The following ANKRD34C variants were observed in gnomAD, a reference collection of about 807,000 sequenced individuals.
ANKRD34C encodes ankyrin repeat domain-containing protein 34C.
For missense variants in ANKRD34C, 563 were observed against 653.0 expected, an observed-to-expected ratio of 0.86 and a Z score of 1.50; for synonymous variants, 260 against 253.6, an observed-to-expected ratio of 1.03 and a Z score of -0.24.
intron 1 of ANKRD34C, among the ~76,000 whole-genome samples, chr15:79,287,151 G>T (rs1033275571): frequency 1.3e-5 from 2 of 152,082 alleles, no homozygotes; most frequent in Admixed American, 6.5e-5. Context: ...TAATTACTTT[G>T]CACTACAGTT....
chr15:79,296,435 G>A lies in ANKRD34C; in HGVS notation c.*1543G>A, dbSNP rs959402579. ...TAATGTATTTCTTGAGACTGCTGAA[G>A]CAATATCTCAAATAATACATACGCT... On this transcript the variant is annotated 3_prime_UTR_variant, in exon 2 of 2. Coordinates refer to ENST00000421388, the MANE Select transcript of ANKRD34C (RefSeq NM_001146341.2). 6.0e-6 allele frequency: 1 copy of A among 167,078 alleles called. No homozygotes were observed. The highest frequency in any genetic ancestry group is 1.5e-5 in the Non-Finnish European group (1 of 68,122). The allele number at this position is 167,078 out of a possible 1,614,324, so 10.3% of individuals were successfully genotyped here. A position where few individuals can be genotyped will look rare whatever the true frequency, so the allele number is the denominator to read the frequency against.
chr15:79,298,201 T>C lies in ANKRD34C; in HGVS notation c.*3309T>C, dbSNP rs2058676902. ...TCCATGTAATGACACCTTTTAGATGTTTCTAATATGTCAATAAATGATATA... is the reference window on the plus strand; with the variant it reads ...TCCATGTAATGACACCTTTTAGATGCTTCTAATATGTCAATAAATGATATA... On this transcript the variant is annotated 3_prime_UTR_variant, in exon 2 of 2. Coordinates refer to ENST00000421388, the MANE Select transcript of ANKRD34C (RefSeq NM_001146341.2). 6.0e-6 allele frequency: 1 copy of C among 166,810 alleles called. No homozygotes were observed. Among genetic ancestry groups the C allele is most frequent in the Non-Finnish European group, 1.5e-5 (1 of 68,118 alleles). The allele number at this position is 166,810 out of a possible 1,614,324, so 10.3% of individuals were successfully genotyped here.
At chr15:79,291,674 G>GT (rs2058660223) in intron 1 of ANKRD34C, among the ~76,000 whole-genome samples, 4 of 151,740 alleles carry the variant, frequency 2.6e-5, no homozygotes, top group African/African-American at 9.7e-5. Flanking sequence ...GGGATGGAGA[G>GT]ACAGAAACGG....
chr15:79,283,637 A>G (rs1430894711), intron 1 of ANKRD34C: 1 of 152,236 alleles, frequency 6.6e-6, no homozygotes, highest in Non-Finnish European at 1.5e-5. Flanking sequence ...AAATGATGGG[A>G]GAAGCACTTA....
chr15:79,291,717 A>G (rs1387067910), intron 1 of ANKRD34C, among the ~76,000 whole-genome samples: 1 of 152,118 alleles, frequency 6.6e-6, no homozygotes, highest in African/African-American at 2.4e-5. Flanking sequence ...ATAAACACAC[A>G]GTGCCCTTGA....
chr15:79,294,961 A>G lies in ANKRD34C; in HGVS notation c.*69A>G. 1 of 1,420,468 alleles carries G rather than the reference A, an allele frequency of 7.0e-7. No homozygotes were observed. The highest frequency in any genetic ancestry group is 1.5e-5 in the South Asian group (1 of 65,982). 88.0% of individuals were successfully genotyped at this position (1,420,468 alleles called of 1,614,324 possible). ...GGACTATGGATGAGACTGCTTCCTGATCATTCCTTAATGTTGAACTGTGGC... is the reference window on the plus strand; with the variant it reads ...GGACTATGGATGAGACTGCTTCCTGGTCATTCCTTAATGTTGAACTGTGGC... On this transcript the variant is annotated 3_prime_UTR_variant, in exon 2 of 2. Coordinates refer to ENST00000421388, the MANE Select transcript of ANKRD34C (RefSeq NM_001146341.2).
rs1391136357 is a variant in ANKRD34C, at chr15:79,294,228, A to C, written c.944A>C (p.Glu315Ala). 4 of 1,551,456 alleles carry C rather than the reference A, an allele frequency of 2.6e-6. No individual in the cohort carries two copies. Among genetic ancestry groups the C allele is most frequent in the Non-Finnish European group, 3.5e-6 (4 of 1,146,942 alleles). Residue 315 changes from glutamate (E) to alanine (A), a missense_variant, in exon 2 of 2, where the codon GAG becomes GCG. Physicochemically the swap from Glu to Ala is moderately radical, Grantham distance 107. Transcript: ENST00000421388. ...CCCACCCTCTTTCACACAGTCACAG[A>C]GCAGGTTCTGAAGATTCCAGTCTCT... ...KDPTLFHTVT[E>A]QVLKIPVSSA...
Position 79,283,185 on chromosome 15 carries a change from T to C in ANKRD34C, c.-88T>C, listed in dbSNP as rs576146651. Among the ~76,000 whole-genome samples, 60 of 152,260 alleles carry C rather than the reference T, an allele frequency of 3.9e-4. No homozygotes were observed. The highest frequency in any genetic ancestry group is 1.4e-3 in the African/African-American group (60 of 41,570). On this transcript the variant is annotated 5_prime_UTR_variant, in exon 1 of 2. Transcript: ENST00000421388. The stretch of plus-strand genomic sequence containing the variant: ...TTGGGAATAATAATGACACTACCTA[T>C]AGCCTGGACCCAGGTGGCCTCGCTC...
chr15:79,293,890 C>T lies in ANKRD34C; in HGVS notation c.606C>T (p.Leu202=). ...ELKALGLDSP[L]TEKEDDFFSL... Reference sequence around the variant, plus strand: ...AGGCTCTAGGCCTGGACTCTCCACTCACTGAGAAGGAAGATGACTTCTTCA... The same window carrying T: ...AGGCTCTAGGCCTGGACTCTCCACTTACTGAGAAGGAAGATGACTTCTTCA... The change falls in exon 2 of 2, where the codon CTC becomes CTT. Residue 202 remains leucine, a synonymous_variant. Coordinates refer to ENST00000421388, the MANE Select transcript of ANKRD34C (RefSeq NM_001146341.2). The T allele has an allele frequency of 1.9e-6, 3 of 1,551,708 alleles. No homozygotes were observed. The highest frequency in any genetic ancestry group is 2.6e-6 in the Non-Finnish European group (3 of 1,146,984).
At position 79,293,650 on chromosome 15, in the gene ANKRD34C, TCTG is replaced by T; in HGVS notation, c.367_369del (p.Leu123del). 6.4e-7 allele frequency: 1 copy of T among 1,551,662 alleles called. No individual in the cohort carries two copies. Among genetic ancestry groups the T allele is most frequent in the Non-Finnish European group, 8.7e-7 (1 of 1,146,986 alleles). Reference sequence around the variant, plus strand: ...TTGAAGATCGCACTGGGGCTTCAGCTCTGGTTTATGCAATAAATGCAGATGACA... The same window carrying T: ...TTGAAGATCGCACTGGGGCTTCAGCTGTTTATGCAATAAATGCAGATGACA... On this transcript the variant is annotated inframe_deletion, in exon 2 of 2. Coordinates refer to ENST00000421388, the MANE Select transcript of ANKRD34C (RefSeq NM_001146341.2).
Position 79,283,084 on chromosome 15 carries a change from G to A in ANKRD34C, c.-189G>A, listed in dbSNP as rs1029581851. ...CGGGGTAGCCCCAGCTCCCGGCGCTGGTTCAGTCTGGCAGTGCCCTCTGGC... is the reference window on the plus strand; with the variant it reads ...CGGGGTAGCCCCAGCTCCCGGCGCTAGTTCAGTCTGGCAGTGCCCTCTGGC... On this transcript the variant is annotated 5_prime_UTR_variant, in exon 1 of 2. Transcript: ENST00000421388. Among the ~76,000 whole-genome samples the A allele has an allele frequency of 2.0e-5, 3 of 152,216 alleles. No homozygotes were observed. The highest frequency in any genetic ancestry group is 4.4e-5 in the Non-Finnish European group (3 of 68,044).
chr15:79,289,584 C>T (rs140409877), intron 1 of ANKRD34C, among the ~76,000 whole-genome samples: 3 of 152,346 alleles, frequency 2.0e-5, no homozygotes, highest in African/African-American at 4.8e-5. Flanking sequence ...CTTCCTCCCT[C>T]TCTTGACTTT....
intron 1 of ANKRD34C, among the ~76,000 whole-genome samples, chr15:79,287,379 G>T (rs781049859): frequency 6.6e-6 from 1 of 152,194 alleles, no homozygotes; most frequent in Non-Finnish European, 1.5e-5. Context: ...TCAGCACATT[G>T]CTTGGCACAT....
chr15:79,290,445 G>A (rs1017892083), intron 1 of ANKRD34C, among the ~76,000 whole-genome samples: 1 of 152,148 alleles, frequency 6.6e-6, no homozygotes, highest in Non-Finnish European at 1.5e-5. Context: ...GGCCCTGGGT[G>A]TTTCTTCCAC....
rs2058668780 is a variant in ANKRD34C, at chr15:79,294,922, A to G, written c.*30A>G. On this transcript the variant is annotated 3_prime_UTR_variant, in exon 2 of 2. Transcript: ENST00000421388. Reference sequence around the variant, plus strand: ...TTTAGAAAGGCTTAAAATAGTCAATATAGTTTATGGAAGGGACTATGGATG... The same window carrying G: ...TTTAGAAAGGCTTAAAATAGTCAATGTAGTTTATGGAAGGGACTATGGATG... The G allele has an allele frequency of 4.0e-6, 6 of 1,492,866 alleles. No homozygotes were observed. Among genetic ancestry groups the G allele is most frequent in the Admixed American group, 5.0e-5 (2 of 40,140 alleles). The allele number at this position is 1,492,866 out of a possible 1,614,324, so 92.5% of individuals were successfully genotyped here.
At chr15:79,290,989 G>C (rs2058657563) in intron 1 of ANKRD34C, among the ~76,000 whole-genome samples, 1 of 152,140 alleles carries the variant, frequency 6.6e-6, no homozygotes, top group South Asian at 2.1e-4. Flanking sequence ...TACTAATAAG[G>C]CTGGGTATCT....
chr15:79,291,558 TCACACACACACACACA>T (rs138141895), intron 1 of ANKRD34C, among the ~76,000 whole-genome samples: 1 of 50,998 alleles, frequency 2.0e-5, no homozygotes, highest in South Asian at 7.3e-4. Flanking sequence ...GAAAGACCAT[TCACACACACACACACA>T]CACACACACA....
intron 1 of ANKRD34C, among the ~76,000 whole-genome samples, chr15:79,283,473 G>A (rs2141198787): frequency 6.6e-6 from 1 of 152,288 alleles, no homozygotes; most frequent in Middle Eastern, 3.4e-3. Flanking sequence ...TTGCGGAGCG[G>A]GGCTGGGTGA....
At position 79,294,516 on chromosome 15, in the gene ANKRD34C, C is replaced by T; in HGVS notation, c.1232C>T (p.Ser411Phe). ...GPLDRKKLNS[S>F]HLSLFHGSRE... is the part of the protein sequence containing the mutation. ...TTAGATAGAAAGAAGCTCAACAGCTCTCACTTGTCTCTTTTCCATGGCTCT... is the reference window on the plus strand; with the variant it reads ...TTAGATAGAAAGAAGCTCAACAGCTTTCACTTGTCTCTTTTCCATGGCTCT... Residue 411 changes from serine (S) to phenylalanine (F), a missense_variant, in exon 2 of 2, where the codon TCT becomes TTT. Physicochemically the swap from Ser to Phe is radical, Grantham distance 155 (BLOSUM62 -2). Transcript: ENST00000421388. 2 of 1,551,734 alleles carry T rather than the reference C, an allele frequency of 1.3e-6. No individual in the cohort carries two copies. Among genetic ancestry groups the T allele is most frequent in the Non-Finnish European group, 8.7e-7 (1 of 1,146,996 alleles).
Sources: gnomAD v4.1 joint callset for allele counts (sites outside exome capture counted in the v4.1 genomes callset) on GRCh38, gnomAD v4.1.1 for gene constraint, MANE v1.5 for transcripts, NCBI Gene and HGNC (gene_info 2026-07-23, HGNC 2026-07-21) for gene names.